SNX31: variants seen among roughly 807,000 people sequenced by gnomAD.
SNX31 encodes the protein sorting nexin-31.
Under a neutral mutation model 65.4 loss-of-function variants are expected in SNX31, and 58 were observed. The observed-to-expected ratio is 0.89, with a 90% CI of 0.72 to 1.10. The LOEUF (loss-of-function observed/expected upper bound fraction) is 1.10, where lower values mean the gene tolerates loss of function less well. Among genes scored for constraint, SNX31 ranks in the 50% least tolerant of loss-of-function variants. The pLI, the probability that SNX31 is intolerant of heterozygous loss-of-function variation, is 0.00. For synonymous variants in SNX31, 181 were observed against 190.1 expected (o/e 0.95, Z 0.39); for missense variants, 523 against 529.7 (o/e 0.99, Z 0.12).
intron 10 of SNX31, among the ~76,000 whole-genome samples, chr8:100,593,777 T>C (rs7842637): frequency 0.069 from 10,457 of 152,058 alleles, 672 homozygotes; most frequent in Admixed American, 0.17. Flanking sequence ...CTAAGTCTCA[T>C]GCTCCATACA....
chr8:100,616,856 T>C (rs1183431499), intron 5 of SNX31, among the ~76,000 whole-genome samples: 1 of 152,348 alleles, frequency 6.6e-6, no homozygotes, highest in East Asian at 1.9e-4. Context: ...TTCTGTCCTT[T>C]GAAAGGTCCT....
Position 100,649,446 on chromosome 8 carries a change from C to T in SNX31, c.66+3G>A, listed in dbSNP as rs1819881066. ...CCCACCCTGACCCCAGCCCTGGGCG[C>T]ACCACGTAGCGGCCCCCCAGCGCGT... On this transcript the variant is annotated splice_donor_region_variant and intron_variant, in intron 1 of 13. Coordinates refer to ENST00000311812, the MANE Select transcript of SNX31 (RefSeq NM_152628.4). 6.3e-7 allele frequency: 1 copy of T among 1,586,204 alleles called. No individual in the cohort carries two copies. Among genetic ancestry groups the T allele is most frequent in the Admixed American group, 1.8e-5 (1 of 56,454 alleles).
rs59359789 is a variant in SNX31, at chr8:100,629,387, G to A, written c.321+940C>T. Among the ~76,000 whole-genome samples, 23,603 of 152,032 alleles carry A rather than the reference G, an allele frequency of 0.16. 2,062 individuals carry two copies. Among genetic ancestry groups the A allele is most frequent in the South Asian group, 0.24 (1,137 of 4,814 alleles). On this transcript the variant is annotated intron_variant, in intron 4 of 13. Coordinates refer to ENST00000311812, the MANE Select transcript of SNX31 (RefSeq NM_152628.4). This position sits in a 1 kb window ranked among gnomAD's most constrained non-coding sequence, Gnocchi z 5.1. ...CTTTTCAAAGAATAGGAAAGTGTGTGTATATATAAACCATCAAGAAATTGT... is the reference window on the plus strand; with the variant it reads ...CTTTTCAAAGAATAGGAAAGTGTGTATATATATAAACCATCAAGAAATTGT...
In SNX31 at chr8:100,649,654, C is replaced by T; in HGVS notation, c.-140G>A. The T allele has an allele frequency of 1.3e-6, 1 of 748,774 alleles. No individual in the cohort carries two copies. The highest frequency in any genetic ancestry group is 2.1e-6 in the Non-Finnish European group (1 of 477,108). The allele number at this position is 748,774 out of a possible 1,614,324, so 46.4% of individuals were successfully genotyped here. Reference sequence around the variant, plus strand: ...GAACCCCGGCGCCCGCTCTCGCCGGCCGGGGACATCTACAGGTGGGGCCGG... The same window carrying T: ...GAACCCCGGCGCCCGCTCTCGCCGGTCGGGGACATCTACAGGTGGGGCCGG... On this transcript the variant is annotated 5_prime_UTR_variant, in exon 1 of 14. Coordinates refer to ENST00000311812, the MANE Select transcript of SNX31 (RefSeq NM_152628.4).
In SNX31 at chr8:100,630,235, C is replaced by A; in HGVS notation, c.321+92G>T. The A allele has an allele frequency of 8.8e-7, 1 of 1,138,382 alleles. No homozygotes were observed. The highest frequency in any genetic ancestry group is 1.3e-6 in the Non-Finnish European group (1 of 777,658). The allele number at this position is 1,138,382 out of a possible 1,614,324, so 70.5% of individuals were successfully genotyped here. A position where few individuals can be genotyped will look rare whatever the true frequency, so the allele number is the denominator to read the frequency against. On this transcript the variant is annotated intron_variant, in intron 4 of 13. Transcript: ENST00000311812. This position sits in a 1 kb window ranked among gnomAD's most constrained non-coding sequence, Gnocchi z 5.3. ...AAGTCCAGGCTCTGTGGGGCTGTGA[C>A]CAGTGCACACATGTGTGTGTACCTG... is the stretch of plus-strand genomic sequence containing the variant.
rs1457172508 is a variant in SNX31 at position 100,661,005 on chromosome 8, A to ATT, written c.-58+2136_-58+2137insAA. ...TCCTACCTGCCAGAAAAGCAGGTCG[A>ATT]TATTTTTTTTTTTTTTTTGAGACAG... is the stretch of plus-strand genomic sequence containing the variant. On this transcript the variant is annotated intron_variant, in intron 1 of 5. Transcript: ENST00000520352. Among the ~76,000 whole-genome samples, 370 of 93,926 alleles carry ATT rather than the reference A, an allele frequency of 3.9e-3. 4 individuals carry two copies. The highest frequency in any genetic ancestry group is 0.028 in the East Asian group (96 of 3,474). 61.6% of individuals were successfully genotyped at this position (93,926 alleles called of 152,430 possible).
At position 100,613,024 on chromosome 8, in the gene SNX31, A is replaced by G. The variant is rs1816852247; in HGVS notation, c.494T>C (p.Ile165Thr). The G allele has an allele frequency of 1.2e-6, 2 of 1,613,836 alleles. No individual in the cohort carries two copies. Among genetic ancestry groups the G allele is most frequent in the South Asian group, 1.1e-5 (1 of 91,076 alleles). The change falls in exon 6 of 14, where the codon ATT (isoleucine) becomes ACT (threonine). Residue 165 changes from isoleucine (I) to threonine (T), a missense_variant. Ile to Thr is a moderately conservative substitution (Grantham distance 89). Transcript: ENST00000311812. This position sits in a 1 kb window ranked among gnomAD's most constrained non-coding sequence, Gnocchi z 5.2. ...GAGCTTGCCCTCCTTGCCAAACCGA[A>G]TGAGAAAGAGGCCGAAGTAGCCCAA... ...ELLGYFGLFL[I>T]RFGKEGKLSV...
intron 2 of SNX31, among the ~76,000 whole-genome samples, chr8:100,640,397 A>G (rs1333583161): frequency 6.6e-6 from 1 of 152,204 alleles, no homozygotes; most frequent in Non-Finnish European, 1.5e-5. Flanking sequence ...AAATGTTGGG[A>G]TTACAGGCGT....
At chr8:100,654,330 TATTTTA>T (rs1563593727), upstream of SNX31, among the ~76,000 whole-genome samples, 2 of 152,134 alleles carry the variant, frequency 1.3e-5, no homozygotes, top group East Asian at 3.9e-4. Flanking sequence ...TTGTTATCCC[TATTTTA>T]TAGGAGACGA....
In SNX31 at chr8:100,578,634, G is replaced by C. The variant is rs1813237871; in HGVS notation, c.1171-1559C>G. On this transcript the variant is annotated intron_variant, in intron 12 of 13. Coordinates refer to ENST00000311812, the MANE Select transcript of SNX31 (RefSeq NM_152628.4). The surrounding 1 kb of genome is among the most constrained non-coding windows in gnomAD (Gnocchi z 4.7). Reference sequence around the variant, plus strand: ...GAGGTATGCATAAGACTTCCTTTAGGTTAGTATTCTTAATGGAAATGTTCA... The same window carrying C: ...GAGGTATGCATAAGACTTCCTTTAGCTTAGTATTCTTAATGGAAATGTTCA... 6.6e-6 allele frequency among the ~76,000 whole-genome samples: 1 copy of C among 151,708 alleles called. No individual in the cohort carries two copies. Among genetic ancestry groups the C allele is most frequent in the African/African-American group, 2.4e-5 (1 of 41,306 alleles).
At chr8:100,634,053 T>C (rs1818583217) in intron 3 of SNX31, among the ~76,000 whole-genome samples, 1 of 152,226 alleles carries the variant, frequency 6.6e-6, no homozygotes, top group Admixed American at 6.5e-5. Context: ...GTTTATATTT[T>C]AAGAAATATT....
At chr8:100,580,973 CT>C (rs907442185) in intron 12 of SNX31, among the ~76,000 whole-genome samples, 16 of 151,372 alleles carry the variant, frequency 1.1e-4, no homozygotes, top group African/African-American at 3.2e-4. Flanking sequence ...GAATGTTACA[CT>C]TTTTTTTTCT....
At chr8:100,650,761 T>C (rs190544558), upstream of SNX31, among the ~76,000 whole-genome samples, 70 of 152,256 alleles carry the variant, frequency 4.6e-4, 1 homozygote, top group African/African-American at 1.7e-3. Flanking sequence ...CATATAGTAG[T>C]TAAGAGAATG....
intron 9 of SNX31, among the ~76,000 whole-genome samples, chr8:100,597,305 G>A (rs557317708): frequency 3.3e-5 from 5 of 151,868 alleles, no homozygotes; most frequent in African/African-American, 9.7e-5. Flanking sequence ...GCTGCGGCAC[G>A]ATCTCGGCTC....
chr8:100,656,590 G>A (rs1427139058), intron 1 of SNX31, among the ~76,000 whole-genome samples: 5 of 124,892 alleles, frequency 4.0e-5, no homozygotes, highest in South Asian at 2.6e-4. Flanking sequence ...GCAGTGAGCC[G>A]AGATAACGCC....
intron 13 of SNX31, among the ~76,000 whole-genome samples, chr8:100,574,899 A>G (rs1188512108): frequency 6.6e-6 from 1 of 152,168 alleles, no homozygotes; most frequent in Non-Finnish European, 1.5e-5. Context: ...GCACCACCGC[A>G]CTCCAGCCTG....
In SNX31 at chr8:100,588,133, A is replaced by C. The variant is rs565922716; in HGVS notation, c.1092+733T>G. 6.6e-6 allele frequency among the ~76,000 whole-genome samples: 1 copy of C among 152,326 alleles called. No individual in the cohort carries two copies. Among genetic ancestry groups the C allele is most frequent in the East Asian group, 1.9e-4 (1 of 5,192 alleles). On this transcript the variant is annotated intron_variant, in intron 11 of 13. Coordinates refer to ENST00000311812, the MANE Select transcript of SNX31 (RefSeq NM_152628.4). The surrounding 1 kb of genome is among the most constrained non-coding windows in gnomAD (Gnocchi z 4.8). ...GAAACATTAAAAAAAAACATAAAAA[A>C]GGTACAGTAAAAATACTGAGTTATA...
chr8:100,610,549 G>A lies in SNX31; in HGVS notation c.611+1451C>T, dbSNP rs1816620895. Reference sequence around the variant, plus strand: ...AAACTGAGGCTTAGAGAGCTTGAACGACTTGGCTAGGTTTACGCAGCTAAG... The same window carrying A: ...AAACTGAGGCTTAGAGAGCTTGAACAACTTGGCTAGGTTTACGCAGCTAAG... On this transcript the variant is annotated intron_variant, in intron 7 of 13. Transcript: ENST00000311812. This position sits in a 1 kb window ranked among gnomAD's most constrained non-coding sequence, Gnocchi z 4.0. 6.6e-6 allele frequency among the ~76,000 whole-genome samples: 1 copy of A among 152,136 alleles called. No homozygotes were observed. The highest frequency in any genetic ancestry group is 2.4e-5 in the African/African-American group (1 of 41,426).
intron 8 of SNX31, 77 bp downstream of exon 8, chr8:100,608,417 C>T: frequency 1.5e-6 from 2 of 1,353,146 alleles, no homozygotes; most frequent in Non-Finnish European, 2.1e-6. Context: ...TACTAACTGC[C>T]ACATAATTTG....
Sources: allele counts gnomAD v4.1 joint callset (sites outside exome capture counted in the v4.1 genomes callset), GRCh38; gene constraint gnomAD v4.1.1; non-coding constraint Gnocchi (gnomAD v3.1); transcripts MANE v1.5; gene names NCBI Gene and HGNC (gene_info 2026-07-23, HGNC 2026-07-21).